The following RPS6KA2 variants were observed in gnomAD, a reference collection of about 807,000 sequenced individuals.
RPS6KA2 encodes the protein ribosomal protein S6 kinase alpha-2.
A neutral mutation model predicts 91.8 loss-of-function variants in RPS6KA2; 42 were observed. The observed-to-expected ratio is 0.46, with a 90% CI of 0.36 to 0.59. The LOEUF is 0.59. Among genes scored for constraint, RPS6KA2 ranks in the 20% least tolerant of loss-of-function variants. The pLI is 0.00. For missense variants in RPS6KA2, 798 were observed against 978.5 expected (o/e 0.82, Z 2.46); for synonymous variants, 414 against 393.6 (o/e 1.05, Z -0.61).
chr6:166,709,577 A>G (rs1789787487), intron 2 of RPS6KA2, among the ~76,000 whole-genome samples: 1 of 152,254 alleles, frequency 6.6e-6, no homozygotes, highest in Admixed American at 6.5e-5. Flanking sequence ...TTCTTTCTTC[A>G]TAAAAGTCAG....
intron 2 of RPS6KA2, among the ~76,000 whole-genome samples, chr6:166,634,065 A>T (rs1018658635): frequency 6.6e-5 from 10 of 152,194 alleles, no homozygotes; most frequent in Non-Finnish European, 1.0e-4. Flanking sequence ...GGGGTCAGGC[A>T]GAGGGAATGA....
chr6:166,684,440 T>G (rs1484933730), intron 2 of RPS6KA2, among the ~76,000 whole-genome samples: 1 of 152,202 alleles, frequency 6.6e-6, no homozygotes, highest in African/African-American at 2.4e-5. Flanking sequence ...GCAGGAGCAG[T>G]CACAGAGCTG....
intron 2 of RPS6KA2, among the ~76,000 whole-genome samples, chr6:166,774,866 T>TTTTTTTTTTGAGACG (rs1778572242): frequency 6.6e-6 from 1 of 151,884 alleles, no homozygotes; most frequent in African/African-American, 2.4e-5. Flanking sequence ...TTCTTGTCTG[T>TTTTTTTTTTGAGACG]GACCTCTGAG....
At chr6:166,688,069 G>T (rs369462741) in intron 2 of RPS6KA2, among the ~76,000 whole-genome samples, 6 of 152,148 alleles carry the variant, frequency 3.9e-5, no homozygotes, top group Admixed American at 6.5e-5. Context: ...GTATTCAAAA[G>T]GCAGGAGGAG....
chr6:166,779,866 C>T (rs994316230), intron 2 of RPS6KA2, among the ~76,000 whole-genome samples: 1 of 152,168 alleles, frequency 6.6e-6, no homozygotes, highest in Admixed American at 6.5e-5. Flanking sequence ...AAGGACTCAC[C>T]AAGTCCCTCA....
intron 2 of RPS6KA2, among the ~76,000 whole-genome samples, chr6:166,664,392 A>T (rs1362951034): frequency 6.6e-6 from 1 of 152,244 alleles, no homozygotes; most frequent in Non-Finnish European, 1.5e-5. Flanking sequence ...CAGCACACTC[A>T]TTTAAGAGGC....
At chr6:166,517,459 T>G (rs1281924788) in intron 3 of RPS6KA2, among the ~76,000 whole-genome samples, 28 of 32,964 alleles carry the variant, frequency 8.5e-4, no homozygotes, top group African/African-American at 2.8e-3. Flanking sequence ...TGTTTTGTTT[T>G]TTTTTTTTTT....
At chr6:166,550,994 C>CAAAAAATAAAAAAA (rs1784003128) in intron 1 of RPS6KA2, among the ~76,000 whole-genome samples, 1 of 106,380 alleles carries the variant, frequency 9.4e-6, no homozygotes, top group African/African-American at 3.0e-5. Flanking sequence ...GACTCTATCT[C>CAAAAAATAAAAAAA]AAAAAAAAAA....
intron 13 of RPS6KA2, among the ~76,000 whole-genome samples, chr6:166,449,843 AACCACGAGGACCACCATGGGAACC>A (rs1444144081): frequency 5.5e-4 from 46 of 83,032 alleles, no homozygotes; most frequent in African/African-American, 1.6e-3. Context: ...ACCACGGGAC[AACCACGAGGACCACCATGGGAACC>A]ACCACGCGGA....
chr6:166,487,088 G>A (rs773134826), intron 10 of RPS6KA2, among the ~76,000 whole-genome samples: 10 of 152,224 alleles, frequency 6.6e-5, no homozygotes, highest in South Asian at 2.1e-4. Flanking sequence ...GGCAAACACC[G>A]TTTATTTGTA....
rs971332126 is a variant in RPS6KA2, at chr6:166,494,679, G to A, written c.747+3829C>T. Among the ~76,000 whole-genome samples the A allele has an allele frequency of 3.3e-5, 5 of 152,128 alleles. No homozygotes were observed. The highest frequency in any genetic ancestry group is 3.9e-4 in the East Asian group (2 of 5,192). On this transcript the variant is annotated intron_variant, in intron 8 of 20. Coordinates refer to ENST00000265678, the MANE Select transcript of RPS6KA2 (RefSeq NM_021135.6). The surrounding 1 kb of genome is among the most constrained non-coding windows in gnomAD (Gnocchi z 5.1). ...GGTACCAGCTCCTAATTTCAGACAC[G>A]GAATTTTATTCAGGGACACTGACTT...
chr6:166,441,332 A>G (rs191559263), intron 14 of RPS6KA2, among the ~76,000 whole-genome samples: 11 of 152,302 alleles, frequency 7.2e-5, no homozygotes, highest in Non-Finnish European at 1.3e-4. Flanking sequence ...GCTCCTTCAC[A>G]TAGCTCAACT....
intron 14 of RPS6KA2, among the ~76,000 whole-genome samples, chr6:166,438,902 T>C (rs542113541): frequency 6.6e-6 from 1 of 152,268 alleles, no homozygotes; most frequent in Non-Finnish European, 1.5e-5. Context: ...TCTGTTGCAG[T>C]AAAAGCGTCC....
At chr6:166,797,375 C>T (rs1779253376) in intron 2 of RPS6KA2, among the ~76,000 whole-genome samples, 3 of 151,836 alleles carry the variant, frequency 2.0e-5, no homozygotes, top group Non-Finnish European at 4.4e-5. Context: ...GAGTTAGGGA[C>T]ACCCAGCTCC....
At chr6:166,537,215 C>G (rs1041975841) in intron 2 of RPS6KA2, among the ~76,000 whole-genome samples, 2 of 152,274 alleles carry the variant, frequency 1.3e-5, no homozygotes, top group African/African-American at 4.8e-5. Flanking sequence ...TCTCAAGAAA[C>G]AATGCATGGG....
chr6:166,690,169 C>T (rs369180329), intron 2 of RPS6KA2, among the ~76,000 whole-genome samples: 12 of 152,180 alleles, frequency 7.9e-5, no homozygotes, highest in African/African-American at 2.9e-4. Context: ...CACAACCCAC[C>T]AGTCTGACGT....
chr6:166,710,973 A>AAAAAC (rs1789828182), intron 2 of RPS6KA2, among the ~76,000 whole-genome samples: 1 of 152,158 alleles, frequency 6.6e-6, no homozygotes, highest in African/African-American at 2.4e-5. Context: ...AACAACACAG[A>AAAAAC]AAAACCTTGG....
In RPS6KA2 at chr6:166,563,898, TTCA is replaced by T. The variant is rs1194462767; in HGVS notation, c.100-25117_100-25115del. On this transcript the variant is annotated intron_variant, in intron 1 of 20. Coordinates refer to ENST00000265678, the MANE Select transcript of RPS6KA2 (RefSeq NM_021135.6). This position sits in a 1 kb window ranked among gnomAD's most constrained non-coding sequence, Gnocchi z 4.1. ...TTTACCTATTTGTAAATTACGGGCT[TTCA>T]ACACGCAGCTGGACGTGGCAGGAAA... Among the ~76,000 whole-genome samples the T allele has an allele frequency of 2.6e-5, 4 of 152,200 alleles. No homozygotes were observed. Among genetic ancestry groups the T allele is most frequent in the African/African-American group, 9.7e-5 (4 of 41,436 alleles).
chr6:166,433,218 G>A lies in RPS6KA2; in HGVS notation c.1333-728C>T, dbSNP rs1456624079. On this transcript the variant is annotated intron_variant, in intron 14 of 20. Coordinates refer to ENST00000265678, the MANE Select transcript of RPS6KA2 (RefSeq NM_021135.6). The surrounding 1 kb of genome is among the most constrained non-coding windows in gnomAD (Gnocchi z 4.4). ...GCCACAAAATGAGGTGAGGCGCATG[G>A]CTCTCACCAAGAGATGCTGGGGATG... Among the ~76,000 whole-genome samples, 1 of 152,144 alleles carries A rather than the reference G, an allele frequency of 6.6e-6. No individual in the cohort carries two copies. The highest frequency in any genetic ancestry group is 1.5e-5 in the Non-Finnish European group (1 of 68,030).
Sources: gnomAD v4.1 joint callset for allele counts (sites outside exome capture counted in the v4.1 genomes callset) on GRCh38, gnomAD v4.1.1 for gene constraint, Gnocchi (gnomAD v3.1) non-coding constraint, MANE v1.5 for transcripts, NCBI Gene and HGNC (gene_info 2026-07-23, HGNC 2026-07-21) for gene names.